The following CACNB2 variants were observed in gnomAD, a reference collection of about 807,000 sequenced individuals.
CACNB2 encodes the protein calcium voltage-gated channel auxiliary subunit beta 2.
CACNB2 carries 42 observed loss-of-function variants against 73.3 expected under a neutral mutation model. The observed-to-expected ratio is 0.57, with a 90% CI of 0.45 to 0.74. The LOEUF (loss-of-function observed/expected upper bound fraction) is 0.74, where lower values mean the gene tolerates loss of function less well. Ranked by LOEUF, CACNB2 falls within the 30% of genes least tolerant of loss-of-function variation. The probability of loss-of-function intolerance (pLI) is 0.00; values close to 1 mark genes in which losing one functional copy is unlikely to be tolerated. For missense variants in CACNB2, 940 were observed against 853.0 expected, an observed-to-expected ratio of 1.10 and a Z score of -1.27; for synonymous variants, 348 against 310.3, an observed-to-expected ratio of 1.12 and a Z score of -1.28.
intron 2 of CACNB2, among the ~76,000 whole-genome samples, chr10:18,305,825 C>T (rs756663244): frequency 5.3e-5 from 8 of 152,140 alleles, no homozygotes; most frequent in Admixed American, 2.6e-4. Flanking sequence ...GGAATTCTCA[C>T]GTGTTAAGAG....
chr10:18,499,805 T>TA (rs60864177), intron 4 of CACNB2, among the ~76,000 whole-genome samples: 22,512 of 117,582 alleles, frequency 0.19, 2,252 homozygotes, highest in Middle Eastern at 0.29. Context: ...ACCCCATCTC[T>TA]AAAAAAAAAA....
At chr10:18,223,688 C>G (rs1389622586) in intron 2 of CACNB2, among the ~76,000 whole-genome samples, 3 of 152,046 alleles carry the variant, frequency 2.0e-5, no homozygotes, top group Non-Finnish European at 4.4e-5. Flanking sequence ...GTACTACAGT[C>G]TTTTTCTTTC....
At chr10:18,356,247 A>G (rs996301723) in intron 2 of CACNB2, among the ~76,000 whole-genome samples, 8 of 152,086 alleles carry the variant, frequency 5.3e-5, no homozygotes, top group Admixed American at 2.6e-4. Flanking sequence ...TCATGCAACT[A>G]TCCCAACTGC....
intron 2 of CACNB2, among the ~76,000 whole-genome samples, chr10:18,171,897 AC>A (rs1287063461): frequency 6.6e-6 from 1 of 151,490 alleles, no homozygotes; most frequent in Non-Finnish European, 1.5e-5. Flanking sequence ...CTCACCTCCC[AC>A]CCCACTATGT....
intron 2 of CACNB2, among the ~76,000 whole-genome samples, chr10:18,231,268 C>G (rs533525743): frequency 2.0e-5 from 3 of 152,278 alleles, no homozygotes; most frequent in Non-Finnish European, 4.4e-5. Context: ...CCTCCACCTC[C>G]CAGGTTCAAG....
intron 3 of CACNB2, among the ~76,000 whole-genome samples, chr10:18,429,984 A>G (rs993054503): frequency 6.6e-6 from 1 of 152,110 alleles, no homozygotes; most frequent in African/African-American, 2.4e-5. Context: ...GTCTCAAAAA[A>G]CAAAACAAAA....
chr10:18,356,945 T>TTTTTTTTTC lies in CACNB2; in HGVS notation c.214-44971_214-44970insCTTTTTTTT, dbSNP rs1564464230. Among the ~76,000 whole-genome samples, 15 of 86,172 alleles carry TTTTTTTTTC rather than the reference T, an allele frequency of 1.7e-4. 1 individual carries two copies. Among genetic ancestry groups the TTTTTTTTTC allele is most frequent in the African/African-American group, 5.1e-4 (14 of 27,618 alleles). The allele number at this position is 86,172 out of a possible 152,430, so 56.5% of individuals were successfully genotyped here. A position where few individuals can be genotyped will look rare whatever the true frequency, so the allele number is the denominator to read the frequency against. On this transcript the variant is annotated intron_variant, in intron 2 of 13. Transcript: ENST00000324631. The stretch of plus-strand genomic sequence containing the variant: ...GTGCCTGGCCCAGACTCAATTTCTT[T>TTTTTTTTTC]TTTTTTTTTTTTTTTTTGAGACGGA...
rs148031419 is a variant in CACNB2, at chr10:18,516,702, A to C, written c.805-1634A>C. Among the ~76,000 whole-genome samples, 367 of 152,358 alleles carry C rather than the reference A, an allele frequency of 2.4e-3. 2 individuals are homozygous for C. The highest frequency in any genetic ancestry group is 8.1e-3 in the African/African-American group (338 of 41,582). On this transcript the variant is annotated intron_variant, in intron 7 of 13. Transcript: ENST00000324631. ...GTGGTTAACATCAATGTAGAATTCAAAAACAAAACAACAGCCTGAGATTCA... is the reference window on the plus strand; with the variant it reads ...GTGGTTAACATCAATGTAGAATTCACAAACAAAACAACAGCCTGAGATTCA...
At chr10:18,487,074 G>A (rs907774777) in intron 3 of CACNB2, among the ~76,000 whole-genome samples, 14 of 152,154 alleles carry the variant, frequency 9.2e-5, no homozygotes, top group East Asian at 3.9e-4. Context: ...CATAGGGCGC[G>A]AGAGATTGTT....
At chr10:18,482,097 T>C (rs1387892549) in intron 3 of CACNB2, among the ~76,000 whole-genome samples, 1 of 152,148 alleles carries the variant, frequency 6.6e-6, no homozygotes, top group African/African-American at 2.4e-5. Context: ...TTTTGCCATG[T>C]TGTCCAGGCT....
At chr10:18,263,690 T>C (rs2037659989) in intron 2 of CACNB2, among the ~76,000 whole-genome samples, 1 of 152,220 alleles carries the variant, frequency 6.6e-6, no homozygotes, top group African/African-American at 2.4e-5. Context: ...AAGAAAGTTA[T>C]ACTCATATGC....
chr10:18,200,909 A>G (rs1256230781), intron 2 of CACNB2, among the ~76,000 whole-genome samples: 1 of 152,174 alleles, frequency 6.6e-6, no homozygotes, highest in Non-Finnish European at 1.5e-5. Flanking sequence ...CTAGAAACAG[A>G]TCTTTGCACT....
At chr10:18,382,191 C>T (rs1229416015) in intron 2 of CACNB2, among the ~76,000 whole-genome samples, 1 of 151,868 alleles carries the variant, frequency 6.6e-6, no homozygotes, top group African/African-American at 2.4e-5. Context: ...AATATACTTG[C>T]TCAGAATGGA....
intron 2 of CACNB2, among the ~76,000 whole-genome samples, chr10:18,159,321 C>T (rs2032286378): frequency 1.3e-5 from 2 of 152,150 alleles, no homozygotes; most frequent in African/African-American, 4.8e-5. Flanking sequence ...CTGCGTTGCA[C>T]ACTTGTGTCC....
chr10:18,490,051 T>C (rs1309624842), intron 3 of CACNB2, among the ~76,000 whole-genome samples: 1 of 152,140 alleles, frequency 6.6e-6, no homozygotes, highest in African/African-American at 2.4e-5. Context: ...CTTTTGTTTG[T>C]ATTTTTGGTA....
At chr10:18,431,739 C>A (rs1361597404) in intron 3 of CACNB2, among the ~76,000 whole-genome samples, 2 of 150,498 alleles carry the variant, frequency 1.3e-5, no homozygotes, top group Non-Finnish European at 2.9e-5. Context: ...CCAAAGATAT[C>A]TTTGTTGACC....
At chr10:18,141,057 T>C in intron 1 of CACNB2, 1 of 1,547,230 alleles carries the variant, frequency 6.5e-7, no homozygotes, top group Non-Finnish European at 8.7e-7. Context: ...GGCTTCCATT[T>C]TTCTCTGCTT....
intron 3 of CACNB2, among the ~76,000 whole-genome samples, chr10:18,482,139 C>T (rs903915052): frequency 6.6e-6 from 1 of 152,122 alleles, no homozygotes; most frequent in Non-Finnish European, 1.5e-5. Flanking sequence ...AGCAATCCAT[C>T]TCGGCTTTCC....
At chr10:18,448,492 A>G (rs1390695946) in intron 3 of CACNB2, among the ~76,000 whole-genome samples, 18 of 151,032 alleles carry the variant, frequency 1.2e-4, no homozygotes, top group Admixed American at 8.5e-4. Flanking sequence ...AAAAAAAAAA[A>G]AAAAAAAAAG....
Sources: gnomAD v4.1 joint callset for allele counts (sites outside exome capture counted in the v4.1 genomes callset) on GRCh38, gnomAD v4.1.1 for gene constraint, MANE v1.5 for transcripts, NCBI Gene and HGNC (gene_info 2026-07-23, HGNC 2026-07-21) for gene names.